Variants in FOCAD observed in about 807,000 individuals in gnomAD.
FOCAD encodes KIAA1797.
FOCAD carries 198 observed loss-of-function variants against 225.6 expected under a neutral mutation model. The observed-to-expected ratio is 0.88, with a 90% confidence interval of 0.78 to 0.99. The LOEUF (loss-of-function observed/expected upper bound fraction) is 0.99, where lower values mean the gene tolerates loss of function less well. Ranked by LOEUF, FOCAD falls within the 50% of genes least tolerant of loss-of-function variation. The pLI, the probability that FOCAD is intolerant of heterozygous loss-of-function variation, is 0.00. For missense variants in FOCAD, 2,713 were observed against 2,123.6 expected, an observed-to-expected ratio of 1.28 and a Z score of -5.46; for synonymous variants, 897 against 755.0, an observed-to-expected ratio of 1.19 and a Z score of -3.08.
At chr9:20,707,030 T>A (rs992775900) in intron 1 of FOCAD, among the ~76,000 whole-genome samples, 4 of 152,212 alleles carry the variant, frequency 2.6e-5, no homozygotes, top group African/African-American at 9.6e-5. Context: ...GAGAACTTGA[T>A]CACATATTCT....
chr9:20,932,109 T>G (rs937952029), intron 27 of FOCAD, among the ~76,000 whole-genome samples: 5 of 152,178 alleles, frequency 3.3e-5, no homozygotes, highest in African/African-American at 1.2e-4. Context: ...TTAAGTATAT[T>G]TTACTCCAAA....
rs1420002680 is a variant in FOCAD, at chr9:20,995,679, A to G, written c.*50A>G. 24 of 1,540,088 alleles carry G rather than the reference A, an allele frequency of 1.6e-5. No individual in the cohort carries two copies. Among genetic ancestry groups the G allele is most frequent in the East Asian group, 2.3e-5 (1 of 44,336 alleles). On this transcript the variant is annotated 3_prime_UTR_variant, in exon 44 of 44. Transcript: ENST00000338382. ...TTCTCAGCTGGATGAGGAAAACCAT[A>G]TAAGTGGAAGAAGTTTTTCAGAATT...
intron 19 of FOCAD, among the ~76,000 whole-genome samples, chr9:20,878,582 T>A (rs528912378): frequency 6.6e-6 from 1 of 152,216 alleles, no homozygotes; most frequent in African/African-American, 2.4e-5. Context: ...GTAAGGAATA[T>A]AGTAAGAAGG....
At chr9:20,844,363 T>TTTC (rs1826858258) in intron 15 of FOCAD, among the ~76,000 whole-genome samples, 1 of 134,678 alleles carries the variant, frequency 7.4e-6, no homozygotes, top group Non-Finnish European at 1.6e-5. Context: ...TTTTTTTTTT[T>TTTC]TTTTTTTTTT....
chr9:20,900,016 G>A (rs1564128718), intron 21 of FOCAD, among the ~76,000 whole-genome samples: 4 of 151,900 alleles, frequency 2.6e-5, no homozygotes, highest in Non-Finnish European at 5.9e-5. Flanking sequence ...AGCTCAAGTG[G>A]CGTTCCTCTT....
rs772629909 is a variant in FOCAD, at chr9:20,720,426, T to A, written c.179T>A (p.Val60Glu). The A allele has an allele frequency of 6.2e-7, 1 of 1,613,992 alleles. No homozygotes were observed. Among genetic ancestry groups the A allele is most frequent in the Non-Finnish European group, 8.5e-7 (1 of 1,180,004 alleles). Reference sequence around the variant, plus strand: ...TGGGAGAAGTGTTGCAGTGACAATGTAGTGGTTCGAACAGCCTGCTGTGAA... The same window carrying A: ...TGGGAGAAGTGTTGCAGTGACAATGAAGTGGTTCGAACAGCCTGCTGTGAA... ...LLWEKCCSDNVVVRTACCEGL... is the reference protein window; with the variant it reads ...LLWEKCCSDNEVVRTACCEGL... Residue 60 changes from valine to glutamate, a missense_variant, in exon 4 of 44, where the codon GTA (valine) becomes GAA (glutamate). Val to Glu is a moderately radical substitution (Grantham distance 121, BLOSUM62 -2). Transcript: ENST00000338382.
Position 20,671,683 on chromosome 9 carries a change from T to C in FOCAD, c.-78+12857T>C, listed in dbSNP as rs539026546. On this transcript the variant is annotated intron_variant, in intron 2 of 45. Transcript: ENST00000380249. ...AGAAAATGAGTTACTGTTTAACAGATGCTGGGGCAAATGATTATGCTCCTG... is the reference window on the plus strand; with the variant it reads ...AGAAAATGAGTTACTGTTTAACAGACGCTGGGGCAAATGATTATGCTCCTG... 3.2e-4 allele frequency among the ~76,000 whole-genome samples: 48 copies of C among 152,338 alleles called. 1 individual carries two copies. The South Asian group carries it at 3.9e-3, about 13-fold the overall frequency.
chr9:20,817,488 TC>T (rs1323644224), intron 11 of FOCAD, among the ~76,000 whole-genome samples: 1 of 152,174 alleles, frequency 6.6e-6, no homozygotes, highest in African/African-American at 2.4e-5. Context: ...TTTTCAAGGT[TC>T]ATCCATGTTG....
At chr9:20,792,340 G>T (rs551738167) in intron 11 of FOCAD, among the ~76,000 whole-genome samples, 1 of 152,266 alleles carries the variant, frequency 6.6e-6, no homozygotes, top group South Asian at 2.1e-4. Flanking sequence ...ACCTTCAATG[G>T]AATAACTCTA....
Position 20,936,625 on chromosome 9 carries a change from G to A in FOCAD, c.3407+3522G>A, listed in dbSNP as rs140972141. Among the ~76,000 whole-genome samples, 341 of 152,218 alleles carry A rather than the reference G, an allele frequency of 2.2e-3. 10 individuals carry two copies. The East Asian group carries it at 0.044, about 20-fold the overall frequency. On this transcript the variant is annotated intron_variant, in intron 28 of 43. Transcript: ENST00000338382. ...AGGTGGATCACGAGGTCAGGAGATCGAGACTGTCCTGGTTAACACGGTGAA... is the reference window on the plus strand; with the variant it reads ...AGGTGGATCACGAGGTCAGGAGATCAAGACTGTCCTGGTTAACACGGTGAA...
intron 6 of FOCAD, among the ~76,000 whole-genome samples, chr9:20,758,869 C>T (rs569477919): frequency 1.3e-4 from 20 of 152,232 alleles, no homozygotes; most frequent in African/African-American, 4.8e-4. Flanking sequence ...TAGAAAACCC[C>T]ACTGACTCAG....
intron 21 of FOCAD, among the ~76,000 whole-genome samples, chr9:20,893,108 C>T: frequency 6.6e-6 from 1 of 152,110 alleles, no homozygotes; most frequent in East Asian, 1.9e-4. Context: ...ACACTACAGC[C>T]TCCAACTCCT....
chr9:20,945,626 G>T (rs1029395689), intron 29 of FOCAD, among the ~76,000 whole-genome samples: 1 of 152,182 alleles, frequency 6.6e-6, no homozygotes, highest in Admixed American at 6.5e-5. Context: ...GCAGTGTAGA[G>T]TGTGATTTTA....
chr9:20,964,932 C>G (rs1416450492), intron 35 of FOCAD, among the ~76,000 whole-genome samples: 1 of 152,112 alleles, frequency 6.6e-6, no homozygotes, highest in East Asian at 1.9e-4. Flanking sequence ...TAGTGGGTCA[C>G]TAGCCTAAGG....
intron 8 of FOCAD, among the ~76,000 whole-genome samples, chr9:20,777,020 T>C (rs969508537): frequency 2.5e-4 from 38 of 152,210 alleles, no homozygotes; most frequent in African/African-American, 8.9e-4. Context: ...TGAACACATA[T>C]ATTCCTAAAA....
chr9:20,887,769 G>A (rs980590963), intron 21 of FOCAD, among the ~76,000 whole-genome samples: 1 of 152,168 alleles, frequency 6.6e-6, no homozygotes, highest in African/African-American at 2.4e-5. Flanking sequence ...CTATCAAACT[G>A]TTTTCCTAGT....
intron 17 of FOCAD, 70 bp downstream of exon 17, chr9:20,866,046 G>A (rs1829199233): frequency 7.8e-7 from 1 of 1,287,286 alleles, no homozygotes; most frequent in African/African-American, 1.5e-5. Flanking sequence ...TGTAAAATAA[G>A]ACTCTTAGGA....
intron 21 of FOCAD, among the ~76,000 whole-genome samples, chr9:20,906,867 T>A (rs7023980): frequency 0.66 from 99,729 of 151,876 alleles, 33,100 homozygotes; most frequent in African/African-American, 0.74. Context: ...TTTCGAGGGT[T>A]GATTTGTATT....
intron 4 of FOCAD, 35 bp from the exon 5 acceptor site, chr9:20,740,201 A>T: frequency 1.5e-6 from 2 of 1,309,068 alleles, no homozygotes; most frequent in South Asian, 1.2e-5. Context: ...TTCACTTTTT[A>T]TCTATAACAT....
Sources: gnomAD v4.1 joint callset for allele counts (sites outside exome capture counted in the v4.1 genomes callset) on GRCh38, gnomAD v4.1.1 for gene constraint, MANE v1.5 for transcripts, NCBI Gene and HGNC (gene_info 2026-07-23, HGNC 2026-07-21) for gene names.